Variants in SMAD4 observed in about 807,000 individuals in gnomAD.
SMAD4 encodes the protein MAD homolog 4.
In SMAD4, 7 loss-of-function variants were observed where a neutral mutation model predicts 63.2. The observed-to-expected ratio is 0.11, with a 90% CI of 0.06 to 0.21. SMAD4 has a LOEUF of 0.21. SMAD4 is among the 10% of genes least tolerant of loss of function. The pLI is 1.00. For synonymous variants in SMAD4, 215 were observed against 235.4 expected, an observed-to-expected ratio of 0.91 and a Z score of 0.79; for missense variants, 312 against 693.8, an observed-to-expected ratio of 0.45 and a Z score of 6.18.
rs1910125051 is a variant in SMAD4 at position 51,065,567 on chromosome 18, T to G, written c.1100T>G (p.Leu367Arg). 6.2e-7 allele frequency: 1 copy of G among 1,614,088 alleles called. No homozygotes were observed. The highest frequency in any genetic ancestry group is 1.7e-5 in the Admixed American group (1 of 60,006). The part of the protein sequence containing the change: ...SGGDRFCLGQ[L>R]SNVHRTEAIE... ...GGAGATCGCTTTTGTTTGGGTCAAC[T>G]CTCCAATGTCCACAGGACAGAAGCC... is the stretch of plus-strand genomic sequence containing the variant. Residue 367 changes from leucine to arginine, a missense_variant, in exon 9 of 12, where the codon CTC becomes CGC. By Grantham distance (102) the Leu-to-Arg change is moderately radical. Transcript: ENST00000342988.
At chr18:51,066,373 T>G (rs1910152986) in intron 9 of SMAD4, among the ~76,000 whole-genome samples, 1 of 151,714 alleles carries the variant, frequency 6.6e-6, no homozygotes, top group Non-Finnish European at 1.5e-5. Flanking sequence ...GTTTATATAA[T>G]GAAATGGAAA....
At position 51,081,000 on chromosome 18, in the gene SMAD4, T is replaced by C. The variant is rs1203282970; in HGVS notation, c.*2533T>C. The C allele has an allele frequency of 9.7e-6, 2 of 206,918 alleles. No individual in the cohort carries two copies. The highest frequency in any genetic ancestry group is 4.6e-5 in the African/African-American group (2 of 43,896). The allele number at this position is 206,918 out of a possible 1,614,324, so 12.8% of individuals were successfully genotyped here. On this transcript the variant is annotated 3_prime_UTR_variant, in exon 12 of 12. Coordinates refer to ENST00000342988, the MANE Select transcript of SMAD4 (RefSeq NM_005359.6). ...AAAGTATAGAAATACTTCTAGTTGT[T>C]AAGTGCTTATATTTGTACCTAGATT...
intron 2 of SMAD4, among the ~76,000 whole-genome samples, chr18:51,048,167 T>A (rs1909602123): frequency 6.6e-6 from 1 of 152,212 alleles, no homozygotes. Context: ...TTATTTTATT[T>A]TATTTTTTTG....
At chr18:51,051,307 C>T in intron 4 of SMAD4, 1 of 454,438 alleles carries the variant, frequency 2.2e-6, no homozygotes, top group South Asian at 1.6e-5. Context: ...GTAGATCCCC[C>T]TAGTGGTGGT....
rs1908996443 is a variant in SMAD4, at chr18:51,030,302, G to T, written c.-449G>T. 6.5e-6 allele frequency: 1 copy of T among 152,758 alleles called. No individual in the cohort carries two copies. Among genetic ancestry groups the T allele is most frequent in the African/African-American group, 2.4e-5 (1 of 41,460 alleles). 9.5% of individuals were successfully genotyped at this position (152,758 alleles called of 1,614,324 possible). On this transcript the variant is annotated 5_prime_UTR_variant, in exon 1 of 12. Coordinates refer to ENST00000342988, the MANE Select transcript of SMAD4 (RefSeq NM_005359.6). ...GTAACGGAGCGGTTTGGGTGGCGGA[G>T]CCTGCGTTCGCGCCTTCCCGCTCTC... is the stretch of plus-strand genomic sequence containing the variant.
In SMAD4 at chr18:51,082,845, T is replaced by G. The variant is rs540039847; in HGVS notation, c.*4378T>G. Reference sequence around the variant, plus strand: ...AGCATTTTCTTCTTCTCTTTCTGATTCTTCATTTCTGACTGCCTAGGCAAG... The same window carrying G: ...AGCATTTTCTTCTTCTCTTTCTGATGCTTCATTTCTGACTGCCTAGGCAAG... On this transcript the variant is annotated 3_prime_UTR_variant, in exon 12 of 12. Transcript: ENST00000342988. The G allele has an allele frequency of 3.1e-4, 71 of 228,806 alleles. No individual in the cohort carries two copies. Among genetic ancestry groups the G allele is most frequent in the African/African-American group, 1.5e-3 (69 of 45,222 alleles). The allele number at this position is 228,806 out of a possible 1,614,324, so 14.2% of individuals were successfully genotyped here.
intron 1 of SMAD4, among the ~76,000 whole-genome samples, chr18:51,041,472 G>A (rs537570768): frequency 5.9e-5 from 9 of 152,222 alleles, no homozygotes; most frequent in East Asian, 1.9e-4. Flanking sequence ...TTTATTTTGC[G>A]TGTTGTCCAG....
intron 11 of SMAD4, among the ~76,000 whole-genome samples, chr18:51,077,857 A>G (rs558783601): frequency 1.3e-5 from 2 of 152,180 alleles, no homozygotes; most frequent in Non-Finnish European, 2.9e-5. Flanking sequence ...TAACTGCTTC[A>G]TTATTAGTTA....
rs1568211889 is a variant in SMAD4 at position 51,079,410 on chromosome 18, GA to G, written c.*945del. 4.3e-6 allele frequency: 1 copy of G among 233,282 alleles called. No individual in the cohort carries two copies. The highest frequency in any genetic ancestry group is 5.6e-5 in the Admixed American group (1 of 17,774). 14.5% of individuals were successfully genotyped at this position (233,282 alleles called of 1,614,324 possible). A position where few individuals can be genotyped will look rare whatever the true frequency, so the allele number is the denominator to read the frequency against. ...GCTTAAACTAAATAATGAATAAACT[GA>G]ATATTTTGGAAACTGCTAAATTCTA... On this transcript the variant is annotated 3_prime_UTR_variant, in exon 12 of 12. Transcript: ENST00000342988.
At chr18:51,047,350 G>T (rs1909575331) in intron 2 of SMAD4, 55 bp downstream of exon 2, 1 of 1,533,590 alleles carries the variant, frequency 6.5e-7, no homozygotes, top group Non-Finnish European at 9.0e-7. Context: ...TTAAAAACTT[G>T]CTACGTTTCC....
intron 9 of SMAD4, 104 bp downstream of exon 9, chr18:51,065,710 T>A (rs1910131132): frequency 1.1e-6 from 1 of 887,798 alleles, no homozygotes; most frequent in African/African-American, 1.7e-5. Flanking sequence ...TGTTCTTAAA[T>A]ATAAATAAAG....
intron 1 of SMAD4, among the ~76,000 whole-genome samples, chr18:51,036,412 G>A (rs559095897): frequency 1.1e-4 from 17 of 152,286 alleles, no homozygotes; most frequent in Admixed American, 9.2e-4. Flanking sequence ...TAGATGGGCA[G>A]TCCTTGTAAA....
chr18:51,050,299 C>T (rs1909669703), intron 4 of SMAD4, among the ~76,000 whole-genome samples: 1 of 150,302 alleles, frequency 6.7e-6, no homozygotes. Flanking sequence ...GTGGAGGTTG[C>T]AGTGAGCTGA....
rs68159021 is a variant in SMAD4, at chr18:51,084,002, ACGCGCGCGCG to A, written c.*5537_*5546del. On this transcript the variant is annotated 3_prime_UTR_variant, in exon 12 of 12. Transcript: ENST00000342988. ...CAATAAACACTTAACGCGCGTGCGC[ACGCGCGCGCG>A]CACACACACACACACACACACACAC... is the stretch of plus-strand genomic sequence containing the variant. 3.2e-5 allele frequency: 3 copies of A among 94,562 alleles called. No individual in the cohort carries two copies. The highest frequency in any genetic ancestry group is 6.7e-5 in the Non-Finnish European group (3 of 44,496). 5.9% of individuals were successfully genotyped at this position (94,562 alleles called of 1,614,324 possible).
chr18:51,074,035 A>T (rs1910406578), intron 10 of SMAD4, among the ~76,000 whole-genome samples: 1 of 152,026 alleles, frequency 6.6e-6, no homozygotes, highest in Admixed American at 6.6e-5. Context: ...ATTACAAAGA[A>T]CTCTTAAAAC....
intron 4 of SMAD4, among the ~76,000 whole-genome samples, chr18:51,051,922 T>C (rs1455275882): frequency 6.6e-6 from 1 of 152,112 alleles, no homozygotes; most frequent in Non-Finnish European, 1.5e-5. Context: ...TTCTCCTGCC[T>C]CAGCCTCCTG....
intron 1 of SMAD4, among the ~76,000 whole-genome samples, chr18:51,038,320 T>G (rs566530572): frequency 8.5e-5 from 13 of 152,202 alleles, no homozygotes; most frequent in African/African-American, 3.1e-4. Context: ...GAACCAATAT[T>G]TTCCCAAATG....
chr18:51,067,854 A>G (rs1910206364), intron 10 of SMAD4, among the ~76,000 whole-genome samples: 2 of 152,240 alleles, frequency 1.3e-5, no homozygotes, highest in Non-Finnish European at 2.9e-5. Context: ...ATGGAAGAGA[A>G]TTCTAAAATT....
Position 51,084,335 on chromosome 18 carries a change from C to T in SMAD4, c.*5868C>T, listed in dbSNP as rs1243507598. 3 of 229,412 alleles carry T rather than the reference C, an allele frequency of 1.3e-5. No individual in the cohort carries two copies. Among genetic ancestry groups the T allele is most frequent in the Admixed American group, 1.1e-4 (2 of 17,622 alleles). The allele number at this position is 229,412 out of a possible 1,614,324, so 14.2% of individuals were successfully genotyped here. ...AACTGGTTTATATGACTCAAGAAAA[C>T]AATACCAGTAGATGATTATTAACTT... On this transcript the variant is annotated 3_prime_UTR_variant, in exon 12 of 12. Coordinates refer to ENST00000342988, the MANE Select transcript of SMAD4 (RefSeq NM_005359.6).
Sources: allele counts gnomAD v4.1 joint callset (sites outside exome capture counted in the v4.1 genomes callset), GRCh38; gene constraint gnomAD v4.1.1; transcripts MANE v1.5; gene names NCBI Gene and HGNC (gene_info 2026-07-23, HGNC 2026-07-21).